Variants in THOC5 observed in about 807,000 individuals in gnomAD.
The protein encoded by THOC5 is THO complex subunit 5.
Under a neutral mutation model 92.9 loss-of-function variants are expected in THOC5, and 43 were observed. The observed-to-expected ratio is 0.46, with a 90% CI of 0.36 to 0.60. The LOEUF is 0.60. Ranked by LOEUF, THOC5 falls within the 20% of genes least tolerant of loss-of-function variation. The pLI, the probability that THOC5 is intolerant of heterozygous loss-of-function variation, is 0.00. For synonymous variants in THOC5, 296 were observed against 320.1 expected, an observed-to-expected ratio of 0.92 and a Z score of 0.80; for missense variants, 659 against 849.4, an observed-to-expected ratio of 0.78 and a Z score of 2.79.
At chr22:29,549,342 T>G (rs1334146942) in intron 1 of THOC5, among the ~76,000 whole-genome samples, 184 bp from the exon 2 acceptor site, 1 of 152,126 alleles carries the variant, frequency 6.6e-6, no homozygotes. Context: ...AAACTCCACC[T>G]TCTCTTTTAA....
intron 17 of THOC5, 39 bp downstream of exon 17, chr22:29,516,990 C>G: frequency 6.2e-7 from 1 of 1,605,082 alleles, no homozygotes. Context: ...CTTGGCAGCG[C>G]CCTTTGTCTA....
chr22:29,522,086 C>T (rs2063452451), intron 12 of THOC5, among the ~76,000 whole-genome samples: 1 of 151,908 alleles, frequency 6.6e-6, no homozygotes, highest in African/African-American at 2.4e-5. Flanking sequence ...CACAGTGGCT[C>T]ACGCCTGTAA....
At chr22:29,548,173 A>C (rs1176550803) in intron 2 of THOC5, among the ~76,000 whole-genome samples, 3 of 152,162 alleles carry the variant, frequency 2.0e-5, no homozygotes, top group Non-Finnish European at 2.9e-5. Flanking sequence ...ATTCAAGTTG[A>C]GATTTGGGTG....
At chr22:29,527,495 A>G (rs1292589520) in intron 11 of THOC5, among the ~76,000 whole-genome samples, 1 of 152,204 alleles carries the variant, frequency 6.6e-6, no homozygotes, top group African/African-American at 2.4e-5. Context: ...TGTGTAAAAA[A>G]TAAAGTGGGA....
intron 17 of THOC5, among the ~76,000 whole-genome samples, chr22:29,512,622 G>C (rs1186002261): frequency 6.6e-6 from 1 of 152,166 alleles, no homozygotes; most frequent in African/African-American, 2.4e-5. Flanking sequence ...CATGTAGAGA[G>C]TCCTTACTGT....
At chr22:29,519,239 T>G in intron 14 of THOC5, 119 bp from the exon 15 acceptor site, 1 of 613,036 alleles carries the variant, frequency 1.6e-6, no homozygotes. Flanking sequence ...CCAAGATGGG[T>G]ACCCTTTAGA....
chr22:29,547,301 A>AT (rs1569235709), intron 2 of THOC5, among the ~76,000 whole-genome samples: 1 of 152,030 alleles, frequency 6.6e-6, no homozygotes, highest in Non-Finnish European at 1.5e-5. Flanking sequence ...GCAGTTTCCA[A>AT]TAAGTTCCTC....
intron 3 of THOC5, 115 bp downstream of exon 3, chr22:29,544,345 C>T: frequency 1.7e-6 from 2 of 1,143,796 alleles, no homozygotes; most frequent in Non-Finnish European, 2.4e-6. Context: ...AGGCTCCAAT[C>T]ACCTGATCAT....
At chr22:29,519,715 C>T (rs762442281) in intron 14 of THOC5, among the ~76,000 whole-genome samples, 3 of 151,840 alleles carry the variant, frequency 2.0e-5, no homozygotes, top group Non-Finnish European at 2.9e-5. Flanking sequence ...TCACCGCAAC[C>T]TCTGCCTCCC....
chr22:29,550,324 T>G (rs2064116201), intron 1 of THOC5, among the ~76,000 whole-genome samples: 1 of 151,628 alleles, frequency 6.6e-6, no homozygotes, highest in Admixed American at 6.6e-5. Flanking sequence ...TAACTACACT[T>G]TTATGCCTCC....
chr22:29,532,458 G>A (rs1056910802), intron 7 of THOC5, among the ~76,000 whole-genome samples: 7 of 151,924 alleles, frequency 4.6e-5, no homozygotes, highest in Non-Finnish European at 1.0e-4. Context: ...GAGGTCGGGA[G>A]ATCAAGACCA....
chr22:29,519,037 G>A lies in THOC5; in HGVS notation c.1458C>T (p.Arg486=), dbSNP rs762555813. 2.3e-5 allele frequency: 37 copies of A among 1,609,212 alleles called. No individual in the cohort carries two copies. Among genetic ancestry groups the A allele is most frequent in the Non-Finnish European group, 3.0e-5 (35 of 1,177,734 alleles). ...ATGCAAACTGTTTGTGGAGGGCCAG[G>A]CGGGACTGCACCCTGGTCTTCAGAA... is the stretch of plus-strand genomic sequence containing the variant. ...MKLLKTRVQS[R]LALHKQFASL... Residue 486 remains arginine (R), a synonymous_variant, in exon 15 of 20, where the codon CGC becomes CGT. Coordinates refer to ENST00000490103, the MANE Select transcript of THOC5 (RefSeq NM_003678.5).
intron 17 of THOC5, among the ~76,000 whole-genome samples, chr22:29,512,398 C>T (rs1216044322): frequency 6.6e-6 from 1 of 152,130 alleles, no homozygotes; most frequent in Non-Finnish European, 1.5e-5. Context: ...AGAGTCTGGT[C>T]CACCTTGGCT....
chr22:29,524,940 C>T (rs760633751), intron 12 of THOC5, among the ~76,000 whole-genome samples: 21 of 152,240 alleles, frequency 1.4e-4, no homozygotes, highest in African/African-American at 3.9e-4. Context: ...CCCTCAGCCC[C>T]GCATGACCCT....
intron 17 of THOC5, among the ~76,000 whole-genome samples, chr22:29,516,206 A>C (rs945063410): frequency 6.6e-6 from 1 of 151,954 alleles, no homozygotes; most frequent in Non-Finnish European, 1.5e-5. Flanking sequence ...CATAAAATCC[A>C]AATAGTGGTC....
chr22:29,524,156 C>G (rs1238872644), intron 12 of THOC5, among the ~76,000 whole-genome samples: 1 of 152,218 alleles, frequency 6.6e-6, no homozygotes. Context: ...TCAGGGCCCA[C>G]CTGGCTATGA....
At chr22:29,530,542 ACT>A (rs1601421738) in intron 8 of THOC5, among the ~76,000 whole-genome samples, 1 of 152,112 alleles carries the variant, frequency 6.6e-6, no homozygotes, top group East Asian at 1.9e-4. Flanking sequence ...TTTTTTTAAT[ACT>A]CACAACAACC....
At chr22:29,520,828 G>C (rs1284940240) in intron 13 of THOC5, among the ~76,000 whole-genome samples, 170 bp downstream of exon 13, 1 of 152,100 alleles carries the variant, frequency 6.6e-6, no homozygotes, top group East Asian at 1.9e-4. Flanking sequence ...CACCCTTTTT[G>C]TGATCTCCCT....
At chr22:29,544,954 C>A in intron 2 of THOC5, 1 of 313,550 alleles carries the variant, frequency 3.2e-6, no homozygotes. Context: ...CGGGATCATA[C>A]TGTCCGTGCT....
Sources: allele counts gnomAD v4.1 joint callset (sites outside exome capture counted in the v4.1 genomes callset), GRCh38; gene constraint gnomAD v4.1.1; transcripts MANE v1.5; gene names NCBI Gene and HGNC (gene_info 2026-07-23, HGNC 2026-07-21).